Variants in USF1 observed in about 807,000 individuals in gnomAD.
The protein encoded by USF1 is upstream stimulatory factor 1.
Under a neutral mutation model 46.3 loss-of-function variants are expected in USF1, and 22 were observed. That is an observed-to-expected ratio of 0.47 (90% CI 0.34 to 0.68). The LOEUF (loss-of-function observed/expected upper bound fraction) is 0.68, where lower values mean the gene tolerates loss of function less well. Ranked by LOEUF, USF1 falls within the 30% of genes least tolerant of loss-of-function variation. USF1 has a pLI of 0.01. For synonymous variants in USF1, 150 were observed against 147.0 expected (o/e 1.02, Z -0.15); for missense variants, 287 against 399.3 (o/e 0.72, Z 2.40).
At chr1:161,042,697 C>G (rs564660292) in intron 3 of USF1, 27 bp from the exon 4 acceptor site, 1 of 1,613,892 alleles carries the variant, frequency 6.2e-7, no homozygotes, top group Non-Finnish European at 8.5e-7. Flanking sequence ...AAGGAAAAGT[C>G]TGTGAGTTAA....
rs1571051192 is a variant in USF1 at position 161,043,351 on chromosome 1, G to A, written c.-76C>T. Reference sequence around the variant, plus strand: ...TGTATCTCCTGATTCACAGGCCTGAGTGCTAAGTCCTGGTAGAAATCATGA... The same window carrying A: ...TGTATCTCCTGATTCACAGGCCTGAATGCTAAGTCCTGGTAGAAATCATGA... On this transcript the variant is annotated 5_prime_UTR_variant, in exon 2 of 11. Transcript: ENST00000368021. 4 of 1,610,546 alleles carry A rather than the reference G, an allele frequency of 2.5e-6. No homozygotes were observed. The highest frequency in any genetic ancestry group is 3.4e-6 in the Non-Finnish European group (4 of 1,177,416).
intron 2 of USF1, 120 bp downstream of exon 2, chr1:161,043,144 CAGTA>C: frequency 1.3e-6 from 2 of 1,539,734 alleles, no homozygotes; most frequent in South Asian, 2.3e-5. Context: ...CCAAATCACA[CAGTA>C]AGTGATAGAG....
rs200531398 is a variant in USF1 at position 161,041,802 on chromosome 1, C to A, written c.321G>T (p.Thr107=). 1 of 1,613,962 alleles carries A rather than the reference C, an allele frequency of 6.2e-7. No homozygotes were observed. The highest frequency in any genetic ancestry group is 1.1e-5 in the South Asian group (1 of 91,084). The part of the protein sequence containing the change: ...GAFTSDDAVD[T]EGTAAETHYT... The stretch of plus-strand genomic sequence containing the variant: ...AGTGCGTCTCAGCAGCTGTCCCCTC[C>A]GTGTCAACTGCATCATCACTGGTGA... Residue 107 remains threonine, a synonymous_variant, in exon 6 of 11, where the codon ACG becomes ACT. Transcript: ENST00000368021.
In USF1 at chr1:161,043,032, G is replaced by A. The variant is rs1650638530; in HGVS notation, c.9-150C>T. 4.0e-6 allele frequency: 5 copies of A among 1,258,182 alleles called. No homozygotes were observed. In the East Asian group the frequency reaches 9.3e-5, roughly 23 times the overall value. 77.9% of individuals were successfully genotyped at this position (1,258,182 alleles called of 1,614,324 possible). On this transcript the variant is annotated intron_variant, in intron 2 of 10. Coordinates refer to ENST00000368021, the MANE Select transcript of USF1 (RefSeq NM_007122.5). ...ACAACTAGTGTTTACTGTTTACTAT[G>A]TACATAAGCACTAAGCTAAGTACAT...
In USF1 at chr1:161,040,405, T is replaced by C. The variant is rs369815605; in HGVS notation, c.715-75A>G. On this transcript the variant is annotated intron_variant, in intron 9 of 10. Transcript: ENST00000368021. The surrounding 1 kb of genome is among the most constrained non-coding windows in gnomAD (Gnocchi z 4.0). Reference sequence around the variant, plus strand: ...TTGCTTTCCAAAAGTAGGTTCACACTTTGGACCTCATTTTCATCTAAGGAA... The same window carrying C: ...TTGCTTTCCAAAAGTAGGTTCACACCTTGGACCTCATTTTCATCTAAGGAA... 11 of 1,598,230 alleles carry C rather than the reference T, an allele frequency of 6.9e-6. No individual in the cohort carries two copies. The African/African-American group carries it at 1.1e-4, about 16-fold the overall frequency.
At position 161,040,892 on chromosome 1, in the gene USF1, T is replaced by A. The variant is rs1345719759; in HGVS notation, c.561-20A>T. 1 of 1,613,740 alleles carries A rather than the reference T, an allele frequency of 6.2e-7. No homozygotes were observed. The highest frequency in any genetic ancestry group is 1.1e-5 in the South Asian group (1 of 91,054). On this transcript the variant is annotated intron_variant, in intron 7 of 10. Coordinates refer to ENST00000368021, the MANE Select transcript of USF1 (RefSeq NM_007122.5). This position sits in a 1 kb window ranked among gnomAD's most constrained non-coding sequence, Gnocchi z 4.0. ...GACTTCCTGACAACAGAGCCCAGGG[T>A]GGCCAGAGTAAGAAGACAAAATACA...
chr1:161,042,291 C>T (rs1650599817), intron 4 of USF1, 74 bp from the exon 5 acceptor site: 1 of 1,456,740 alleles, frequency 6.9e-7, no homozygotes, highest in Admixed American at 2.1e-5. Flanking sequence ...TAGGGCCCCT[C>T]ATAAAGCTTC....
intron 7 of USF1, 34 bp downstream of exon 7, chr1:161,041,290 T>TTACG: frequency 9.0e-7 from 1 of 1,107,906 alleles, no homozygotes; most frequent in Non-Finnish European, 1.3e-6. Context: ...AAAAAACCAC[T>TTACG]TACGGAATCT....
chr1:161,045,214 A>G (rs542805954), intron 1 of USF1, among the ~76,000 whole-genome samples: 1 of 152,204 alleles, frequency 6.6e-6, no homozygotes. Context: ...GTCTCTGAGG[A>G]CACCCAGCAA....
Position 161,042,703 on chromosome 1 carries a change from G to A in USF1, c.59-33C>T, listed in dbSNP as rs34882696. ...AAAAGAACAAAGGAAAAGTCTGTGA[G>A]TTAACTGCCTTTCTACCCCCGTTCC... On this transcript the variant is annotated intron_variant, in intron 3 of 10. Coordinates refer to ENST00000368021, the MANE Select transcript of USF1 (RefSeq NM_007122.5). 56 of 1,613,042 alleles carry A rather than the reference G, an allele frequency of 3.5e-5. No individual in the cohort carries two copies. The East Asian group carries it at 1.2e-3, about 35-fold the overall frequency.
chr1:161,045,703 G>T (rs1357668546), intron 1 of USF1, among the ~76,000 whole-genome samples, 155 bp downstream of exon 1: 1 of 152,262 alleles, frequency 6.6e-6, no homozygotes, highest in Non-Finnish European at 1.5e-5. Context: ...CCACAAAGCA[G>T]GGTATGAGAT....
At chr1:161,043,650 GTCTC>G (rs1355069792) in intron 1 of USF1, among the ~76,000 whole-genome samples, 5 of 137,462 alleles carry the variant, frequency 3.6e-5, no homozygotes, top group African/African-American at 1.4e-4. Flanking sequence ...TTGAGACAGA[GTCTC>G]TCTCTGTCAC....
Position 161,039,662 on chromosome 1 carries a change from C to T in USF1, c.*258G>A, listed in dbSNP as rs747168150. The T allele has an allele frequency of 4.5e-5, 23 of 515,792 alleles. No homozygotes were observed. Among genetic ancestry groups the T allele is most frequent in the Non-Finnish European group, 6.7e-5 (19 of 284,060 alleles). 32.0% of individuals were successfully genotyped at this position (515,792 alleles called of 1,614,324 possible). A position where few individuals can be genotyped will look rare whatever the true frequency, so the allele number is the denominator to read the frequency against. The stretch of plus-strand genomic sequence containing the variant: ...TCCAGTATCCAGCATGGAGACAGCA[C>T]ATGCATTGTGCGAGAGGAGCACAAG... On this transcript the variant is annotated 3_prime_UTR_variant, in exon 11 of 11. Transcript: ENST00000368021.
rs41269997 is a variant in USF1, at chr1:161,042,847, A to G, written c.44T>C (p.Val15Ala). The change falls in exon 3 of 11, where the codon GTG (valine) becomes GCG (alanine). Residue 15 changes from valine to alanine, a missense_variant. By Grantham distance (64) the Val-to-Ala change is moderately conservative. Transcript: ENST00000368021. ...CTAGCACTCACCTTCCTGAATCTGC[A>G]CTGTCCCCTCTTCCGTTTCAGCTGT... Reference protein sequence around the residue: ...QKTAETEEGTVQIQEGAVATG... With the variant: ...QKTAETEEGTAQIQEGAVATG... The G allele has an allele frequency of 1.1e-5, 17 of 1,614,180 alleles. No homozygotes were observed. Among genetic ancestry groups the G allele is most frequent in the Non-Finnish European group, 1.4e-5 (17 of 1,180,034 alleles).
intron 1 of USF1, among the ~76,000 whole-genome samples, chr1:161,045,352 A>T (rs2102017007): frequency 6.6e-6 from 1 of 152,350 alleles, no homozygotes; most frequent in Admixed American, 6.5e-5. Context: ...AGGGCCCAGT[A>T]AGAGCCCTTG....
Position 161,040,825 on chromosome 1 carries a change from T to C in USF1, c.608A>G (p.Gln203Arg). 6.2e-7 allele frequency: 1 copy of C among 1,614,182 alleles called. No homozygotes were observed. The highest frequency in any genetic ancestry group is 8.5e-7 in the Non-Finnish European group (1 of 1,180,028). Reference sequence around the variant, plus strand: ...CAGATCATACCTACCTTCATTATGCTGAGCCCTGCGTTTCTCATCCCGAGT... The same window carrying C: ...CAGATCATACCTACCTTCATTATGCCGAGCCCTGCGTTTCTCATCCCGAGT... The part of the protein sequence containing the change: ...RTTRDEKRRA[Q>R]HNEVERRRRD... Residue 203 changes from glutamine (Q) to arginine (R), a missense_variant, in exon 8 of 11, where the codon CAG becomes CGG. Physicochemically the swap from Gln to Arg is conservative, Grantham distance 43. Coordinates refer to ENST00000368021, the MANE Select transcript of USF1 (RefSeq NM_007122.5). This position sits in a 1 kb window ranked among gnomAD's most constrained non-coding sequence, Gnocchi z 4.0.
chr1:161,041,261 CAAAAAAAAA>C (rs1181304214), intron 7 of USF1, 54 bp downstream of exon 7: 20 of 668,622 alleles, frequency 3.0e-5, no homozygotes, highest in Middle Eastern at 4.9e-4. Flanking sequence ...GACTCTGTCT[CAAAAAAAAA>C]AAAAAAAAAA....
At chr1:161,042,727 C>G (rs1650622369) in intron 3 of USF1, 57 bp from the exon 4 acceptor site, 1 of 1,610,374 alleles carries the variant, frequency 6.2e-7, no homozygotes, top group Admixed American at 1.7e-5. Context: ...TACCCCCGTT[C>G]CATTTGCATG....
rs144810864 is a variant in USF1, at chr1:161,045,920, A to G, written c.-148T>C. The G allele has an allele frequency of 1.3e-5, 2 of 152,390 alleles. No individual in the cohort carries two copies. Among genetic ancestry groups the G allele is most frequent in the Non-Finnish European group, 1.5e-5 (1 of 68,124 alleles). 9.4% of individuals were successfully genotyped at this position (152,390 alleles called of 1,614,324 possible). A position where few individuals can be genotyped will look rare whatever the true frequency, so the allele number is the denominator to read the frequency against. ...GTGTTCTCCCTCTCCCGGCCTAGGT[A>G]TCTCCATAGACAGCTGCTCATGCGC... On this transcript the variant is annotated 5_prime_UTR_variant, in exon 1 of 11. Transcript: ENST00000368021.
Sources: gnomAD v4.1 joint callset for allele counts (sites outside exome capture counted in the v4.1 genomes callset) on GRCh38, gnomAD v4.1.1 for gene constraint, Gnocchi (gnomAD v3.1) non-coding constraint, MANE v1.5 for transcripts, NCBI Gene and HGNC (gene_info 2026-07-23, HGNC 2026-07-21) for gene names.